The following HIPK3 variants were observed in gnomAD, a reference collection of about 807,000 sequenced individuals.
The protein encoded by HIPK3 is homeodomain interacting protein kinase 3.
HIPK3 carries 47 observed loss-of-function variants against 124.2 expected under a neutral mutation model. The observed-to-expected ratio is 0.38, with a 90% CI of 0.30 to 0.48. HIPK3 has a LOEUF of 0.48. HIPK3 is among the 20% of genes least tolerant of loss of function. The pLI is 0.98. For missense variants in HIPK3, 1,286 were observed against 1,454.3 expected, an observed-to-expected ratio of 0.88 and a Z score of 1.88; for synonymous variants, 482 against 515.2, an observed-to-expected ratio of 0.94 and a Z score of 0.87.
chr11:33,307,421 CAG>C (rs1222416677), intron 2 of HIPK3, among the ~76,000 whole-genome samples: 8 of 125,196 alleles, frequency 6.4e-5, no homozygotes, highest in African/African-American at 2.2e-4. Flanking sequence ...TTTTTTGAGA[CAG>C]AGTCTTGCTC....
At position 33,311,910 on chromosome 11, in the gene HIPK3, T is replaced by TACACACACACACAC. The variant is rs71034671; in HGVS notation, c.1098-16587_1098-16574dup. ...GGGCAACATAGCAAGACCCTGTTTC[T>TACACACACACACAC]ACACACACACACACACACACACACA... On this transcript the variant is annotated intron_variant, in intron 2 of 16. Coordinates refer to ENST00000303296, the MANE Select transcript of HIPK3 (RefSeq NM_005734.5). Among the ~76,000 whole-genome samples, 17 of 114,296 alleles carry TACACACACACACAC rather than the reference T, an allele frequency of 1.5e-4. 1 individual carries two copies. The highest frequency in any genetic ancestry group is 2.3e-4 in the Non-Finnish European group (13 of 56,746). The allele number at this position is 114,296 out of a possible 152,430, so 75.0% of individuals were successfully genotyped here. A position where few individuals can be genotyped will look rare whatever the true frequency, so the allele number is the denominator to read the frequency against.
At chr11:33,347,563 A>G in intron 9 of HIPK3, 66 bp from the exon 10 acceptor site, 1 of 1,583,070 alleles carries the variant, frequency 6.3e-7, no homozygotes, top group Non-Finnish European at 8.6e-7. Flanking sequence ...TTTTGAGTTT[A>G]AGATATGGTA....
chr11:33,344,444 TAA>T (rs1468489064), intron 8 of HIPK3, among the ~76,000 whole-genome samples: 2 of 152,198 alleles, frequency 1.3e-5, no homozygotes, highest in South Asian at 2.1e-4. Context: ...GGCAAAAACT[TAA>T]AGAGACTTCG....
chr11:33,315,183 T>G (rs2133949563), intron 2 of HIPK3, among the ~76,000 whole-genome samples: 1 of 152,342 alleles, frequency 6.6e-6, no homozygotes, highest in African/African-American at 2.4e-5. Context: ...GTCCCTTAGC[T>G]TCTCTCTCTT....
intron 2 of HIPK3, among the ~76,000 whole-genome samples, chr11:33,298,521 T>C (rs907935059): frequency 1.3e-5 from 2 of 152,230 alleles, no homozygotes; most frequent in Admixed American, 6.5e-5. Context: ...AGGCCATAGC[T>C]GCTATAGATA....
chr11:33,306,225 T>C (rs1852155093), intron 2 of HIPK3, among the ~76,000 whole-genome samples: 2 of 152,204 alleles, frequency 1.3e-5, no homozygotes, highest in African/African-American at 2.4e-5. Flanking sequence ...TTTTGAGTAA[T>C]AGTAAAATGA....
At position 33,344,241 on chromosome 11, in the gene HIPK3, T is replaced by A. The variant is rs193103038; in HGVS notation, c.1897+2555T>A. ...AAGATTGCTGTTTAAAAATTTTTTT[T>A]AATCAGTTATTACTTGTGTTATCTT... is the stretch of plus-strand genomic sequence containing the variant. On this transcript the variant is annotated intron_variant, in intron 8 of 16. Coordinates refer to ENST00000303296, the MANE Select transcript of HIPK3 (RefSeq NM_005734.5). Among the ~76,000 whole-genome samples, 242 of 152,336 alleles carry A rather than the reference T, an allele frequency of 1.6e-3. 2 individuals are homozygous for A. The highest frequency in any genetic ancestry group is 5.5e-3 in the African/African-American group (227 of 41,582).
chr11:33,291,762 T>C lies in HIPK3; in HGVS notation c.1097+4251T>C, dbSNP rs184979157. Among the ~76,000 whole-genome samples, 220 of 152,354 alleles carry C rather than the reference T, an allele frequency of 1.4e-3. 2 individuals are homozygous for C. The highest frequency in any genetic ancestry group is 5.0e-3 in the African/African-American group (208 of 41,586). ...TTCTTTCTTTTTAAATATAGAATTT[T>C]AGCCTGCGATTCTAAGTCATTTCAG... is the stretch of plus-strand genomic sequence containing the variant. On this transcript the variant is annotated intron_variant, in intron 2 of 16. Coordinates refer to ENST00000303296, the MANE Select transcript of HIPK3 (RefSeq NM_005734.5).
At chr11:33,328,362 A>C in intron 2 of HIPK3, 148 bp from the exon 3 acceptor site, 1 of 669,488 alleles carries the variant, frequency 1.5e-6, no homozygotes, top group Non-Finnish European at 2.5e-6. Context: ...GATTATGTCT[A>C]GGTTTCAAAG....
chr11:33,274,875 G>C (rs769470092), intron 1 of HIPK3, among the ~76,000 whole-genome samples: 8 of 152,084 alleles, frequency 5.3e-5, no homozygotes, highest in Non-Finnish European at 1.2e-4. Context: ...ATGCTGATTT[G>C]TGTTATAGTC....
At chr11:33,284,499 A>G (rs368660348) in intron 1 of HIPK3, among the ~76,000 whole-genome samples, 3 of 152,312 alleles carry the variant, frequency 2.0e-5, no homozygotes, top group East Asian at 1.9e-4. Context: ...AAAGTGTTCA[A>G]TAGTAGATGT....
intron 2 of HIPK3, among the ~76,000 whole-genome samples, chr11:33,289,724 G>A (rs1048645015): frequency 6.6e-6 from 1 of 151,914 alleles, no homozygotes; most frequent in Non-Finnish European, 1.5e-5. Context: ...TTTTGACTGT[G>A]GTCACTCTGT....
intron 2 of HIPK3, among the ~76,000 whole-genome samples, chr11:33,303,315 T>C (rs1159810281): frequency 6.6e-6 from 1 of 152,184 alleles, no homozygotes; most frequent in Non-Finnish European, 1.5e-5. Context: ...TTAGGGAATA[T>C]TTACAAGGAA....
intron 3 of HIPK3, among the ~76,000 whole-genome samples, chr11:33,336,472 C>T (rs1419360250): frequency 2.0e-5 from 3 of 152,228 alleles, no homozygotes; most frequent in African/African-American, 7.2e-5. Flanking sequence ...CATTCAGTCT[C>T]TCAGTTCAGA....
At chr11:33,330,340 T>C (rs1852937533) in intron 3 of HIPK3, among the ~76,000 whole-genome samples, 1 of 152,210 alleles carries the variant, frequency 6.6e-6, no homozygotes, top group Non-Finnish European at 1.5e-5. Flanking sequence ...TTTTTCTTTT[T>C]TCTTTTGAGA....
At chr11:33,276,996 T>G (rs1851290888) in intron 1 of HIPK3, among the ~76,000 whole-genome samples, 2 of 152,196 alleles carry the variant, frequency 1.3e-5, no homozygotes, top group African/African-American at 4.8e-5. Flanking sequence ...TGAATCACCA[T>G]GCCAGGGCTG....
chr11:33,261,114 A>T (rs1850808375), intron 1 of HIPK3, among the ~76,000 whole-genome samples: 1 of 121,324 alleles, frequency 8.2e-6, no homozygotes, highest in Non-Finnish European at 1.8e-5. Context: ...ATATATATAC[A>T]TAAAATATAT....
At chr11:33,295,658 A>G (rs1324425967) in intron 2 of HIPK3, among the ~76,000 whole-genome samples, 1 of 152,162 alleles carries the variant, frequency 6.6e-6, no homozygotes. Context: ...CTGGCCAGTT[A>G]TTTTGTAGAC....
At chr11:33,272,723 A>T (rs935971183) in intron 1 of HIPK3, among the ~76,000 whole-genome samples, 36 of 80,694 alleles carry the variant, frequency 4.5e-4, no homozygotes, top group African/African-American at 1.6e-3. Flanking sequence ...CCGAGGCTGA[A>T]GTGCAGTGGT....
Sources: allele counts gnomAD v4.1 joint callset (sites outside exome capture counted in the v4.1 genomes callset), GRCh38; gene constraint gnomAD v4.1.1; transcripts MANE v1.5; gene names NCBI Gene and HGNC (gene_info 2026-07-23, HGNC 2026-07-21).